TMEM132C: variants seen among roughly 807,000 people sequenced by gnomAD.
TMEM132C encodes the protein protein phosphatase 1, regulatory subunit 152.
TMEM132C carries 29 observed loss-of-function variants against 61.4 expected under a neutral mutation model. The ratio of observed to expected loss-of-function variants is 0.47; its 90% CI spans 0.35 to 0.64. The LOEUF (loss-of-function observed/expected upper bound fraction) is 0.64, where lower values mean the gene tolerates loss of function less well. Ranked by LOEUF, TMEM132C falls within the 30% of genes least tolerant of loss-of-function variation. The probability of loss-of-function intolerance (pLI) is 0.00; values close to 1 mark genes in which losing one functional copy is unlikely to be tolerated. For missense variants in TMEM132C, 1,408 were observed against 1,476.9 expected, an observed-to-expected ratio of 0.95 and a Z score of 0.76; for synonymous variants, 656 against 633.1, an observed-to-expected ratio of 1.04 and a Z score of -0.54.
chr12:128,590,014 G>A (rs923205387), intron 3 of TMEM132C, among the ~76,000 whole-genome samples: 1 of 152,210 alleles, frequency 6.6e-6, no homozygotes, highest in Non-Finnish European at 1.5e-5. Context: ...ATAAACAGTG[G>A]AGGTTGTTCA....
chr12:128,517,066 CA>C (rs1253841017), intron 2 of TMEM132C, among the ~76,000 whole-genome samples: 4,819 of 107,648 alleles, frequency 0.045, 192 homozygotes, highest in African/African-American at 0.13. Flanking sequence ...GCTAAAAATA[CA>C]AAAAAAAAAA....
At chr12:128,560,483 A>T (rs1874472333) in intron 3 of TMEM132C, among the ~76,000 whole-genome samples, 1 of 152,080 alleles carries the variant, frequency 6.6e-6, no homozygotes, top group East Asian at 1.9e-4. Flanking sequence ...ATTCCCTCTG[A>T]TTGGACTCTT....
intron 3 of TMEM132C, among the ~76,000 whole-genome samples, chr12:128,594,808 T>C (rs1445717589): frequency 6.6e-6 from 1 of 152,250 alleles, no homozygotes; most frequent in East Asian, 1.9e-4. Context: ...TCTCAGAGGA[T>C]GCCATTCATT....
intron 3 of TMEM132C, among the ~76,000 whole-genome samples, chr12:128,604,113 A>C (rs567268241): frequency 6.6e-6 from 1 of 152,236 alleles, no homozygotes; most frequent in Non-Finnish European, 1.5e-5. Context: ...TGTATGAGTC[A>C]GGGTTCCCCA....
intron 1 of TMEM132C, among the ~76,000 whole-genome samples, chr12:128,336,967 T>C (rs999552929): frequency 6.6e-6 from 1 of 152,210 alleles, no homozygotes. Context: ...GGAATGTTTT[T>C]ATTTTATCTA....
intron 1 of TMEM132C, among the ~76,000 whole-genome samples, chr12:128,355,049 C>A (rs1873457135): frequency 6.6e-6 from 1 of 152,182 alleles, no homozygotes; most frequent in Non-Finnish European, 1.5e-5. Context: ...AAAATGTTTT[C>A]TTTATGATGA....
At chr12:128,701,481 C>A (rs188530103) in intron 8 of TMEM132C, among the ~76,000 whole-genome samples, 7 of 152,200 alleles carry the variant, frequency 4.6e-5, no homozygotes, top group Non-Finnish European at 1.0e-4. Flanking sequence ...GGATCTTCAG[C>A]TACAGCTACA....
intron 1 of TMEM132C, among the ~76,000 whole-genome samples, chr12:128,359,190 C>T (rs1382287840): frequency 6.6e-6 from 1 of 152,170 alleles, no homozygotes; most frequent in Non-Finnish European, 1.5e-5. Context: ...TCTCCTGCTG[C>T]TAATAAAGAC....
rs371618019 is a variant in TMEM132C at position 128,696,062 on chromosome 12, C to T, written c.1888C>T (p.Arg630Trp). The part of the protein sequence containing the change: ...EPHVATLQDS[R>W]VLVGREVGMT... Reference sequence around the variant, plus strand: ...TCACGTGGCCACCCTCCAGGACAGCCGGGTCCTGGTTGGGCGAGAGGTTGG... The same window carrying T: ...TCACGTGGCCACCCTCCAGGACAGCTGGGTCCTGGTTGGGCGAGAGGTTGG... Residue 630 changes from arginine (R) to tryptophan (W), a missense_variant, in exon 7 of 9, where the codon CGG becomes TGG. Physicochemically the swap from Arg to Trp is moderately radical, Grantham distance 101. Transcript: ENST00000435159. The T allele has an allele frequency of 2.2e-4, 349 of 1,551,700 alleles. No individual in the cohort carries two copies. The highest frequency in any genetic ancestry group is 2.8e-4 in the Non-Finnish European group (326 of 1,146,986).
chr12:128,459,695 G>C (rs1349976550), intron 2 of TMEM132C, among the ~76,000 whole-genome samples: 1 of 151,866 alleles, frequency 6.6e-6, no homozygotes, highest in African/African-American at 2.4e-5. Context: ...GACCAGCCTG[G>C]CCGAGATGGT....
chr12:128,268,524 G>T lies in TMEM132C; in HGVS notation c.85+1037G>T, dbSNP rs562807012. ...GCTTTCCTGCTCCCCGCGCCCTGGCGAAGGTCTCGGGTTCATTTGGTTAAA... is the reference window on the plus strand; with the variant it reads ...GCTTTCCTGCTCCCCGCGCCCTGGCTAAGGTCTCGGGTTCATTTGGTTAAA... On this transcript the variant is annotated intron_variant, in intron 1 of 8. Coordinates refer to ENST00000435159, the MANE Select transcript of TMEM132C (RefSeq NM_001136103.3). Among the ~76,000 whole-genome samples, 27 of 152,230 alleles carry T rather than the reference G, an allele frequency of 1.8e-4. No individual in the cohort carries two copies. In the South Asian group the frequency reaches 5.4e-3, roughly 30 times the overall value.
intron 3 of TMEM132C, among the ~76,000 whole-genome samples, chr12:128,585,375 G>A (rs1267995349): frequency 6.6e-6 from 1 of 152,154 alleles, no homozygotes; most frequent in Non-Finnish European, 1.5e-5. Flanking sequence ...TCTTGCAGGA[G>A]TGTGTCCTGG....
intron 2 of TMEM132C, among the ~76,000 whole-genome samples, chr12:128,480,380 AG>A (rs1871280489): frequency 6.6e-6 from 1 of 152,230 alleles, no homozygotes; most frequent in African/African-American, 2.4e-5. Flanking sequence ...GTATTTCTTA[AG>A]CTAAAGTAGA....
Position 128,585,344 on chromosome 12 carries a change from C to T in TMEM132C, c.1122-30808C>T, listed in dbSNP as rs141302136. Among the ~76,000 whole-genome samples the T allele has an allele frequency of 4.9e-4, 75 of 151,846 alleles. 2 individuals carry two copies. In the East Asian group the frequency reaches 0.013, roughly 27 times the overall value. On this transcript the variant is annotated intron_variant, in intron 3 of 8. Coordinates refer to ENST00000435159, the MANE Select transcript of TMEM132C (RefSeq NM_001136103.3). ...GGAGTGACAGGAGATGTTAAATGCC[C>T]AAAGGCTATGACCCAGCCATTCTTG...
intron 2 of TMEM132C, among the ~76,000 whole-genome samples, chr12:128,536,092 A>G (rs930540190): frequency 2.6e-5 from 4 of 152,192 alleles, no homozygotes; most frequent in Non-Finnish European, 5.9e-5. Context: ...ACATGCATAC[A>G]TATGTTTATT....
intron 3 of TMEM132C, among the ~76,000 whole-genome samples, chr12:128,607,464 G>A (rs1876468182): frequency 6.6e-6 from 1 of 152,148 alleles, no homozygotes. Flanking sequence ...GAGAGGTAGG[G>A]GAAGTAGGGG....
At chr12:128,702,196 G>A (rs1229103881) in intron 8 of TMEM132C, among the ~76,000 whole-genome samples, 1 of 151,780 alleles carries the variant, frequency 6.6e-6, no homozygotes, top group Admixed American at 6.6e-5. Flanking sequence ...CACCACATCT[G>A]GCCCCCATTT....
At chr12:128,424,610 G>C (rs1281236018) in intron 2 of TMEM132C, among the ~76,000 whole-genome samples, 1 of 152,184 alleles carries the variant, frequency 6.6e-6, no homozygotes, top group African/African-American at 2.4e-5. Context: ...AATGGGTTTG[G>C]GGTTTCTTTC....
chr12:128,610,238 GA>G (rs1876586470), intron 3 of TMEM132C, among the ~76,000 whole-genome samples: 1 of 152,214 alleles, frequency 6.6e-6, no homozygotes, highest in South Asian at 2.1e-4. Context: ...TTCCCTATGA[GA>G]AGGCTGATTT....
Sources: gnomAD v4.1 joint callset for allele counts (sites outside exome capture counted in the v4.1 genomes callset) on GRCh38, gnomAD v4.1.1 for gene constraint, MANE v1.5 for transcripts, NCBI Gene and HGNC (gene_info 2026-07-23, HGNC 2026-07-21) for gene names.